Variants in PLCB1 observed in about 807,000 individuals in gnomAD.
PLCB1 encodes the protein phospholipase C beta 1.
In PLCB1, 46 loss-of-function variants were observed where a neutral mutation model predicts 161.8. The observed-to-expected ratio is 0.28, with a 90% CI of 0.22 to 0.36. The LOEUF is 0.36. Among genes scored for constraint, PLCB1 ranks in the 10% least tolerant of loss-of-function variants. The pLI, the probability that PLCB1 is intolerant of heterozygous loss-of-function variation, is 1.00. For missense variants in PLCB1, 1,016 were observed against 1,472.5 expected (o/e 0.69, Z 5.07); for synonymous variants, 517 against 503.7 (o/e 1.03, Z -0.35).
At chr20:8,692,171 T>A (rs1380556735) in intron 10 of PLCB1, among the ~76,000 whole-genome samples, 1 of 152,226 alleles carries the variant, frequency 6.6e-6, no homozygotes, top group Non-Finnish European at 1.5e-5. Flanking sequence ...ATTATCTGAC[T>A]GAATGTTTCT....
rs183574709 is a variant in PLCB1 at position 8,685,875 on chromosome 20, T to A, written c.1009+797T>A. On this transcript the variant is annotated intron_variant, in intron 10 of 31. Transcript: ENST00000338037. The stretch of plus-strand genomic sequence containing the variant: ...AATAAAGTAGGATAAAACATCAATG[T>A]GTTTCTAATCTGATCTTAAATTAAG... Among the ~76,000 whole-genome samples, 162 of 152,354 alleles carry A rather than the reference T, an allele frequency of 1.1e-3. 1 individual carries two copies. The highest frequency in any genetic ancestry group is 1.5e-3 in the Non-Finnish European group (101 of 68,038).
intron 2 of PLCB1, among the ~76,000 whole-genome samples, chr20:8,189,379 A>G (rs1322699768): frequency 6.6e-6 from 1 of 150,818 alleles, no homozygotes; most frequent in East Asian, 1.9e-4. Context: ...AATGTGCACA[A>G]TAAAATGTAT....
intron 3 of PLCB1, among the ~76,000 whole-genome samples, chr20:8,612,124 C>T (rs1321649252): frequency 6.6e-6 from 1 of 151,990 alleles, no homozygotes; most frequent in Non-Finnish European, 1.5e-5. Context: ...CCTCTTCTAC[C>T]AGATCATTAG....
chr20:8,543,620 C>CAAAAAAA (rs60587265), intron 3 of PLCB1, among the ~76,000 whole-genome samples: 32,307 of 126,706 alleles, frequency 0.25, 4,022 homozygotes, highest in Non-Finnish European at 0.3. Context: ...CAAAGAGTTC[C>CAAAAAAA]AAAAAAAAAA....
At chr20:8,784,672 T>G (rs1983400999) in intron 27 of PLCB1, among the ~76,000 whole-genome samples, 2 of 152,140 alleles carry the variant, frequency 1.3e-5, no homozygotes, top group Non-Finnish European at 2.9e-5. Context: ...TTTTACATAT[T>G]AAACAGATAT....
At chr20:8,758,424 AT>A (rs1180665183) in intron 24 of PLCB1, among the ~76,000 whole-genome samples, 1 of 151,916 alleles carries the variant, frequency 6.6e-6, no homozygotes, top group Non-Finnish European at 1.5e-5. Context: ...GCTACTAAAA[AT>A]ACATAAGTTA....
chr20:8,528,471 G>T (rs905247485), intron 3 of PLCB1, among the ~76,000 whole-genome samples: 1 of 151,994 alleles, frequency 6.6e-6, no homozygotes, highest in African/African-American at 2.4e-5. Flanking sequence ...TTCATACGAG[G>T]TTCTAGAAGG....
intron 31 of PLCB1, among the ~76,000 whole-genome samples, chr20:8,797,419 T>TA (rs3033878): frequency 1.3e-5 from 2 of 150,572 alleles, no homozygotes; most frequent in East Asian, 3.9e-4. Context: ...TCCATATATA[T>TA]TTGCATATAA....
At chr20:8,306,540 T>A (rs1984145244) in intron 2 of PLCB1, among the ~76,000 whole-genome samples, 1 of 152,238 alleles carries the variant, frequency 6.6e-6, no homozygotes, top group Non-Finnish European at 1.5e-5. Context: ...TTTTCATCTG[T>A]AAAGTGGAGC....
intron 2 of PLCB1, among the ~76,000 whole-genome samples, chr20:8,240,215 AAAC>A (rs1471482838): frequency 6.6e-6 from 1 of 151,734 alleles, no homozygotes; most frequent in Non-Finnish European, 1.5e-5. Flanking sequence ...TCAGTCTCCC[AAAC>A]AACAACACAG....
intron 2 of PLCB1, among the ~76,000 whole-genome samples, chr20:8,319,567 CT>C (rs998209592): frequency 6.6e-6 from 1 of 151,844 alleles, no homozygotes; most frequent in African/African-American, 2.4e-5. Flanking sequence ...GAAGACTCCA[CT>C]TTTTGAAGGC....
intron 31 of PLCB1, among the ~76,000 whole-genome samples, chr20:8,831,792 G>T (rs564797997): frequency 6.6e-6 from 1 of 152,176 alleles, no homozygotes; most frequent in Non-Finnish European, 1.5e-5. Flanking sequence ...ACCATGCCCA[G>T]CTAGTTATTT....
chr20:8,412,436 C>T (rs1264647269), intron 3 of PLCB1, among the ~76,000 whole-genome samples: 1 of 152,202 alleles, frequency 6.6e-6, no homozygotes, highest in African/African-American at 2.4e-5. Flanking sequence ...CACAAGAAAA[C>T]ATCATTTTCC....
chr20:8,357,128 T>C (rs1470331392), intron 2 of PLCB1, among the ~76,000 whole-genome samples: 8 of 152,196 alleles, frequency 5.3e-5, no homozygotes, highest in East Asian at 1.9e-4. Context: ...AGAAAAATTA[T>C]ACACCCAGGG....
At chr20:8,460,438 T>C (rs1981526170) in intron 3 of PLCB1, among the ~76,000 whole-genome samples, 1 of 152,196 alleles carries the variant, frequency 6.6e-6, no homozygotes, top group South Asian at 2.1e-4. Flanking sequence ...CTATTCAAGA[T>C]TTAGTGGGAA....
At chr20:8,152,313 C>G (rs927651859) in intron 2 of PLCB1, among the ~76,000 whole-genome samples, 23 of 151,980 alleles carry the variant, frequency 1.5e-4, no homozygotes, top group African/African-American at 5.6e-4. Flanking sequence ...ATTAAACTTA[C>G]CATGCTTTCA....
intron 3 of PLCB1, among the ~76,000 whole-genome samples, chr20:8,449,280 G>A (rs1980969165): frequency 6.6e-6 from 1 of 152,194 alleles, no homozygotes; most frequent in African/African-American, 2.4e-5. Context: ...CTGAAGCAGT[G>A]TCGTGAAGCT....
intron 2 of PLCB1, among the ~76,000 whole-genome samples, chr20:8,181,277 A>G (rs953856893): frequency 1.0e-4 from 15 of 148,558 alleles, no homozygotes; most frequent in African/African-American, 3.9e-4. Context: ...AAAGAATAAG[A>G]AAAAAAGACT....
intron 27 of PLCB1, among the ~76,000 whole-genome samples, chr20:8,776,817 A>C (rs980274786): frequency 1.3e-5 from 2 of 152,184 alleles, no homozygotes; most frequent in African/African-American, 4.8e-5. Flanking sequence ...TAAGTTGGTA[A>C]AACATGTAGT....
Sources: allele counts gnomAD v4.1 joint callset (sites outside exome capture counted in the v4.1 genomes callset), GRCh38; gene constraint gnomAD v4.1.1; transcripts MANE v1.5; gene names NCBI Gene and HGNC (gene_info 2026-07-23, HGNC 2026-07-21).